Variants in NELL1 observed in about 807,000 individuals in gnomAD.
NELL1 encodes the protein neural EGFL like 1.
NELL1 carries 76 observed loss-of-function variants against 107.4 expected under a neutral mutation model. The ratio of observed to expected loss-of-function variants is 0.71; its 90% CI spans 0.59 to 0.86. The LOEUF (loss-of-function observed/expected upper bound fraction) is 0.86. Among genes scored for constraint, NELL1 ranks in the 40% least tolerant of loss-of-function variants. The pLI is 0.00. For synonymous variants in NELL1, 353 were observed against 341.2 expected, an observed-to-expected ratio of 1.03 and a Z score of -0.38; for missense variants, 1,024 against 1,005.5, an observed-to-expected ratio of 1.02 and a Z score of -0.25.
At chr11:21,374,525 G>A (rs190294844) in intron 15 of NELL1, among the ~76,000 whole-genome samples, 4 of 152,110 alleles carry the variant, frequency 2.6e-5, no homozygotes, top group Admixed American at 2.0e-4. Context: ...ATCAAATGCT[G>A]TTCACGTTGG....
chr11:20,869,130 C>T (rs1849149922), intron 4 of NELL1, among the ~76,000 whole-genome samples: 1 of 151,972 alleles, frequency 6.6e-6, no homozygotes, highest in Non-Finnish European at 1.5e-5. Context: ...GCTCATAAGG[C>T]CTTAGATTTC....
At chr11:21,201,909 C>A (rs947124942) in intron 13 of NELL1, among the ~76,000 whole-genome samples, 1 of 151,994 alleles carries the variant, frequency 6.6e-6, no homozygotes, top group African/African-American at 2.4e-5. Flanking sequence ...CATTGGTTCT[C>A]TTTATGTGAT....
chr11:21,344,988 T>A (rs576934838), intron 14 of NELL1, among the ~76,000 whole-genome samples: 2 of 152,334 alleles, frequency 1.3e-5, no homozygotes, highest in South Asian at 4.1e-4. Context: ...AACTAACTGC[T>A]TTATTAAACT....
intron 3 of NELL1, among the ~76,000 whole-genome samples, chr11:20,842,026 G>A (rs938042213): frequency 2.6e-5 from 4 of 152,142 alleles, no homozygotes; most frequent in African/African-American, 7.2e-5. Context: ...GCCTTGTGTT[G>A]TTGGCTTAAT....
chr11:21,209,321 T>C lies in NELL1; in HGVS notation c.1427-20011T>C, dbSNP rs980148344. ...CATTAACTATAAAATAAATGGTACA[T>C]ATGTATATATTATATATATATATAT... On this transcript the variant is annotated intron_variant, in intron 13 of 19. Transcript: ENST00000357134. Among the ~76,000 whole-genome samples the C allele has an allele frequency of 7.8e-5, 6 of 76,804 alleles. No homozygotes were observed. The Admixed American group carries it at 8.4e-4, about 11-fold the overall frequency. The allele number at this position is 76,804 out of a possible 152,430, so 50.4% of individuals were successfully genotyped here. A position where few individuals can be genotyped will look rare whatever the true frequency, so the allele number is the denominator to read the frequency against.
intron 12 of NELL1, among the ~76,000 whole-genome samples, chr11:21,053,309 C>T (rs1207908721): frequency 2.0e-5 from 3 of 152,078 alleles, no homozygotes; most frequent in Non-Finnish European, 4.4e-5. Flanking sequence ...TGTGATGTTC[C>T]CTTCCCTGTG....
chr11:20,934,954 T>A (rs1749233098), intron 9 of NELL1, among the ~76,000 whole-genome samples: 1 of 152,138 alleles, frequency 6.6e-6, no homozygotes, highest in Admixed American at 6.6e-5. Context: ...TAATTCTCCA[T>A]TTTTTTGGTC....
chr11:21,188,273 T>G (rs1856975269), intron 13 of NELL1, among the ~76,000 whole-genome samples: 1 of 151,860 alleles, frequency 6.6e-6, no homozygotes, highest in Non-Finnish European at 1.5e-5. Context: ...TGCCTGGGGC[T>G]GGGACAGTTC....
intron 9 of NELL1, among the ~76,000 whole-genome samples, chr11:20,934,739 T>G (rs1850687893): frequency 1.3e-5 from 2 of 152,176 alleles, no homozygotes; most frequent in African/African-American, 4.8e-5. Flanking sequence ...AGCAGGCACA[T>G]TTGGGAGTGT....
intron 4 of NELL1, among the ~76,000 whole-genome samples, chr11:20,874,045 A>G (rs1358849099): frequency 3.3e-5 from 5 of 151,944 alleles, no homozygotes; most frequent in Non-Finnish European, 5.9e-5. Context: ...GATTGCAGGC[A>G]TGAGCCATTG....
intron 12 of NELL1, among the ~76,000 whole-genome samples, chr11:20,988,876 C>T (rs1851911193): frequency 6.6e-6 from 1 of 152,058 alleles, no homozygotes; most frequent in Admixed American, 6.5e-5. Flanking sequence ...GTATGAGCCA[C>T]CGTGCCCGGC....
chr11:20,698,854 C>G (rs1462520741), intron 2 of NELL1, among the ~76,000 whole-genome samples: 1 of 152,160 alleles, frequency 6.6e-6, no homozygotes, highest in African/African-American at 2.4e-5. Context: ...TTTGCATTCT[C>G]ATAGCATAGC....
chr11:21,316,030 G>T (rs1388295507), intron 14 of NELL1, among the ~76,000 whole-genome samples: 1 of 151,920 alleles, frequency 6.6e-6, no homozygotes, highest in Non-Finnish European at 1.5e-5. Flanking sequence ...CCTTCTATAA[G>T]GTCTAGTGTT....
At chr11:21,179,726 G>A (rs1856787511) in intron 13 of NELL1, among the ~76,000 whole-genome samples, 1 of 151,736 alleles carries the variant, frequency 6.6e-6, no homozygotes, top group South Asian at 2.1e-4. Flanking sequence ...AGAATACTCA[G>A]TGAATAGTCT....
At chr11:21,078,535 C>T (rs1854194002) in intron 12 of NELL1, among the ~76,000 whole-genome samples, 1 of 152,010 alleles carries the variant, frequency 6.6e-6, no homozygotes, top group South Asian at 2.1e-4. Flanking sequence ...CATGGTGCAA[C>T]CGCAAGGGAA....
intron 15 of NELL1, among the ~76,000 whole-genome samples, chr11:21,434,798 T>A (rs1015084496): frequency 2.0e-5 from 3 of 152,166 alleles, no homozygotes; most frequent in Admixed American, 6.5e-5. Context: ...GAAATATGGT[T>A]ATTTTAATAA....
At chr11:20,689,505 A>G (rs1158286285) in intron 2 of NELL1, among the ~76,000 whole-genome samples, 1 of 134,642 alleles carries the variant, frequency 7.4e-6, no homozygotes, top group Non-Finnish European at 1.5e-5. Context: ...CTCATTGTTC[A>G]ATTCCCATCT....
At chr11:21,381,380 T>C (rs1431818047) in intron 15 of NELL1, among the ~76,000 whole-genome samples, 1 of 152,000 alleles carries the variant, frequency 6.6e-6, no homozygotes, top group Non-Finnish European at 1.5e-5. Context: ...TCTGTAACAC[T>C]GGATCAGATT....
In NELL1 at chr11:20,833,859, C is replaced by T. The variant is rs12283799; in HGVS notation, c.336-13724C>T. On this transcript the variant is annotated intron_variant, in intron 3 of 19. Coordinates refer to ENST00000357134, the MANE Select transcript of NELL1 (RefSeq NM_006157.5). Reference sequence around the variant, plus strand: ...TGGTATGTTTGAAGACTTGAAAGAACGTTGGTGTGTAGAGGGCAAGATAGA... The same window carrying T: ...TGGTATGTTTGAAGACTTGAAAGAATGTTGGTGTGTAGAGGGCAAGATAGA... Among the ~76,000 whole-genome samples, 1,008 of 152,154 alleles carry T rather than the reference C, an allele frequency of 6.6e-3. 10 individuals are homozygous for T. Among genetic ancestry groups the T allele is most frequent in the African/African-American group, 0.023 (957 of 41,498 alleles).
Sources: allele counts gnomAD v4.1 joint callset (sites outside exome capture counted in the v4.1 genomes callset), GRCh38; gene constraint gnomAD v4.1.1; transcripts MANE v1.5; gene names NCBI Gene and HGNC (gene_info 2026-07-23, HGNC 2026-07-21).